PCDH15: variants seen among roughly 807,000 people sequenced by gnomAD.
The protein encoded by PCDH15 is protocadherin related 15.
PCDH15 carries 129 observed loss-of-function variants against 178.5 expected under a neutral mutation model. The observed-to-expected ratio is 0.72, with a 90% confidence interval of 0.63 to 0.84. The LOEUF (loss-of-function observed/expected upper bound fraction) is 0.84, where lower values mean the gene tolerates loss of function less well. PCDH15 is among the 40% of genes least tolerant of loss of function. The pLI, the probability that PCDH15 is intolerant of heterozygous loss-of-function variation, is 0.00. For missense variants in PCDH15, 2,230 were observed against 2,099.9 expected (o/e 1.06, Z -1.21); for synonymous variants, 800 against 732.0 (o/e 1.09, Z -1.50).
chr10:53,924,416 T>G (rs1405009318), intron 25 of PCDH15, among the ~76,000 whole-genome samples: 1 of 152,170 alleles, frequency 6.6e-6, no homozygotes, highest in East Asian at 1.9e-4. Context: ...GCTGCCTCCC[T>G]GCGGGGCAAG....
intron 1 of PCDH15, among the ~76,000 whole-genome samples, chr10:55,214,581 G>C (rs1183917407): frequency 6.6e-6 from 1 of 151,420 alleles, no homozygotes; most frequent in African/African-American, 2.4e-5. Flanking sequence ...GATGGGAAAG[G>C]GTTACATTTT....
chr10:54,246,402 A>T (rs2055930328), intron 8 of PCDH15, among the ~76,000 whole-genome samples: 1 of 151,874 alleles, frequency 6.6e-6, no homozygotes, highest in South Asian at 2.1e-4. Context: ...ATTTTCTATA[A>T]ATTGAATTAC....
chr10:53,979,185 T>A (rs1242152977), intron 21 of PCDH15, among the ~76,000 whole-genome samples: 2 of 152,306 alleles, frequency 1.3e-5, no homozygotes, highest in African/African-American at 4.8e-5. Context: ...TAAGTTTAAT[T>A]AACTCATAGT....
chr10:54,368,873 T>C (rs1001172615), intron 5 of PCDH15, among the ~76,000 whole-genome samples: 1 of 151,960 alleles, frequency 6.6e-6, no homozygotes, highest in Non-Finnish European at 1.5e-5. Context: ...GGCAATAAAT[T>C]TTCAAAGATG....
At position 54,153,250 on chromosome 10, in the gene PCDH15, G is replaced by A; in HGVS notation, c.1634C>T (p.Thr545Ile). 6.2e-7 allele frequency: 1 copy of A among 1,613,828 alleles called. No homozygotes were observed. Among genetic ancestry groups the A allele is most frequent in the Non-Finnish European group, 8.5e-7 (1 of 1,179,860 alleles). The change falls in exon 14 of 38, where the codon ACA becomes ATA. Residue 545 changes from threonine to isoleucine, a missense_variant. Coordinates refer to ENST00000644397, the MANE Select transcript of PCDH15 (RefSeq NM_001384140.1). ...DADEGSNGEITYEILVGAQGD... is the reference protein window; with the variant it reads ...DADEGSNGEIIYEILVGAQGD... ...CTGAGCCCCAACAAGGATTTCATAT[G>A]TGATCTCCCCATTTGACCCTTCGTC...
At chr10:54,752,517 C>CAA (rs1183153628) in intron 1 of PCDH15, among the ~76,000 whole-genome samples, 1 of 85,632 alleles carries the variant, frequency 1.2e-5, no homozygotes. Flanking sequence ...AAAAAACAAA[C>CAA]AAACAAACAA....
intron 3 of PCDH15, among the ~76,000 whole-genome samples, chr10:54,485,628 T>C (rs577642936): frequency 2.3e-4 from 35 of 152,120 alleles, no homozygotes; most frequent in Middle Eastern, 6.8e-3. Context: ...GATATATTCA[T>C]GAGAAGACAC....
chr10:55,160,443 T>C (rs530642275), intron 2 of PCDH15, among the ~76,000 whole-genome samples: 69 of 152,100 alleles, frequency 4.5e-4, no homozygotes, highest in Middle Eastern at 6.8e-3. Context: ...ATCCAAATAA[T>C]GCTTTTTTTG....
chr10:54,409,058 G>C (rs1044256241), intron 3 of PCDH15, among the ~76,000 whole-genome samples: 1 of 152,166 alleles, frequency 6.6e-6, no homozygotes, highest in Non-Finnish European at 1.5e-5. Flanking sequence ...TAAGTCTCAT[G>C]AGCTCTGATG....
chr10:55,283,540 A>G (rs1008309955), intron 1 of PCDH15, among the ~76,000 whole-genome samples: 10 of 151,716 alleles, frequency 6.6e-5, no homozygotes, highest in African/African-American at 2.2e-4. Flanking sequence ...GCAGTTACAG[A>G]CACAGCTTCT....
At position 54,644,488 on chromosome 10, in the gene PCDH15, AAG is replaced by A. The variant is rs752268547; in HGVS notation, c.91+19682_91+19683del. Among the ~76,000 whole-genome samples the A allele has an allele frequency of 1.2e-4, 18 of 152,052 alleles. No individual in the cohort carries two copies. In the East Asian group the frequency reaches 1.6e-3, roughly 13 times the overall value. ...ACAATATATTCACTCAAGGTCAACA[AAG>A]AGTATTTATTCTTAGTTGACTCCTT... On this transcript the variant is annotated intron_variant, in intron 2 of 37. Coordinates refer to ENST00000644397, the MANE Select transcript of PCDH15 (RefSeq NM_001384140.1).
chr10:54,777,155 T>C (rs1949798848), intron 1 of PCDH15, among the ~76,000 whole-genome samples: 1 of 152,188 alleles, frequency 6.6e-6, no homozygotes, highest in Non-Finnish European at 1.5e-5. Flanking sequence ...AGGTGACTAT[T>C]TTCATGCAAT....
intron 1 of PCDH15, among the ~76,000 whole-genome samples, chr10:55,238,463 C>T (rs1446308812): frequency 1.3e-5 from 2 of 151,928 alleles, no homozygotes; most frequent in Non-Finnish European, 2.9e-5. Context: ...TTCATATTTT[C>T]TTAAGGACCA....
intron 3 of PCDH15, chr10:54,452,558 G>C (rs946583774): frequency 6.6e-6 from 1 of 151,934 alleles, no homozygotes; most frequent in Non-Finnish European, 1.5e-5. Flanking sequence ...AAGAACACAA[G>C]ATAAAGAGAA....
chr10:54,731,172 A>T (rs1300653031), intron 1 of PCDH15, among the ~76,000 whole-genome samples: 1 of 151,330 alleles, frequency 6.6e-6, no homozygotes, highest in Admixed American at 6.6e-5. Flanking sequence ...ATTGTTCAAC[A>T]TCACTAGTCT....
intron 2 of PCDH15, among the ~76,000 whole-genome samples, chr10:54,658,675 T>C (rs1321120417): frequency 6.6e-6 from 1 of 152,154 alleles, no homozygotes; most frequent in Non-Finnish European, 1.5e-5. Context: ...CAATACTTGC[T>C]ACCAGAAAAG....
chr10:53,925,734 C>G (rs902500778), intron 25 of PCDH15, among the ~76,000 whole-genome samples: 8 of 152,112 alleles, frequency 5.3e-5, no homozygotes, highest in African/African-American at 1.7e-4. Context: ...TCCCTGGTTT[C>G]TAGTCTTGAG....
intron 1 of PCDH15, among the ~76,000 whole-genome samples, chr10:54,772,356 T>C (rs995987847): frequency 1.3e-5 from 2 of 151,838 alleles, no homozygotes; most frequent in African/African-American, 4.9e-5. Flanking sequence ...CTTTGTAAAA[T>C]AAATAATTTA....
At chr10:54,961,497 C>A (rs1591807766) in intron 2 of PCDH15, among the ~76,000 whole-genome samples, 1 of 152,208 alleles carries the variant, frequency 6.6e-6, no homozygotes, top group African/African-American at 2.4e-5. Flanking sequence ...GCTAGGCTAC[C>A]AGTTCTGGAG....
Sources: allele counts gnomAD v4.1 joint callset (sites outside exome capture counted in the v4.1 genomes callset), GRCh38; gene constraint gnomAD v4.1.1; transcripts MANE v1.5; gene names NCBI Gene and HGNC (gene_info 2026-07-23, HGNC 2026-07-21).